Variants in TRAPPC8 observed in about 807,000 individuals in gnomAD.
TRAPPC8 encodes general sporulation gene 1 homolog.
A neutral mutation model predicts 174.3 loss-of-function variants in TRAPPC8; 54 were observed. The ratio of observed to expected loss-of-function variants is 0.31; its 90% CI spans 0.25 to 0.39. The LOEUF is 0.39. Among genes scored for constraint, TRAPPC8 ranks in the 10% least tolerant of loss-of-function variants. The pLI, the probability that TRAPPC8 is intolerant of heterozygous loss-of-function variation, is 1.00. For synonymous variants in TRAPPC8, 630 were observed against 579.9 expected, an observed-to-expected ratio of 1.09 and a Z score of -1.24; for missense variants, 1,531 against 1,699.1, an observed-to-expected ratio of 0.90 and a Z score of 1.74.
At position 31,935,551 on chromosome 18, in the gene TRAPPC8, A is replaced by G. The variant is rs1170699348; in HGVS notation, c.158-4028T>C. Among the ~76,000 whole-genome samples the G allele has an allele frequency of 5.7e-5, 7 of 122,558 alleles. 1 individual carries two copies. The highest frequency in any genetic ancestry group is 9.1e-5 in the Non-Finnish European group (5 of 55,044). The allele number at this position is 122,558 out of a possible 152,430, so 80.4% of individuals were successfully genotyped here. A position where few individuals can be genotyped will look rare whatever the true frequency, so the allele number is the denominator to read the frequency against. On this transcript the variant is annotated intron_variant, in intron 1 of 28. Coordinates refer to ENST00000283351, the MANE Select transcript of TRAPPC8 (RefSeq NM_014939.5). ...CAACAAGAGCGAAACTCCATCTTAAAAAAAAAAAAAAAAAAAAGCAGGCTT... is the reference window on the plus strand; with the variant it reads ...CAACAAGAGCGAAACTCCATCTTAAGAAAAAAAAAAAAAAAAAGCAGGCTT...
At chr18:31,896,224 A>C (rs1464922478) in intron 11 of TRAPPC8, 1 of 152,202 alleles carries the variant, frequency 6.6e-6, no homozygotes, top group Non-Finnish European at 1.5e-5. Context: ...AAGCAAAAGG[A>C]AAAAGGCCGC....
In TRAPPC8 at chr18:31,882,236, A is replaced by T. The variant is rs948828770; in HGVS notation, c.1729-7532T>A. Among the ~76,000 whole-genome samples the T allele has an allele frequency of 2.4e-4, 37 of 152,198 alleles. 1 individual carries two copies. Among genetic ancestry groups the T allele is most frequent in the Admixed American group, 2.4e-3 (36 of 15,284 alleles). ...CATCAATGGTGGACTGTATAAAGAA[A>T]ATGTGGTACATACACACCATGGAAT... On this transcript the variant is annotated intron_variant, in intron 12 of 28. Transcript: ENST00000283351.
intron 4 of TRAPPC8, among the ~76,000 whole-genome samples, chr18:31,914,740 C>T (rs1414925679): frequency 6.6e-6 from 1 of 152,200 alleles, no homozygotes; most frequent in East Asian, 1.9e-4. Flanking sequence ...ATCTGCTCCA[C>T]ACCTTGCACC....
intron 5 of TRAPPC8, among the ~76,000 whole-genome samples, chr18:31,910,474 T>C (rs2036858230): frequency 6.6e-6 from 1 of 152,116 alleles, no homozygotes; most frequent in African/African-American, 2.4e-5. Context: ...TGGAAAAATA[T>C]AAAAGAGGAC....
At chr18:31,898,411 T>G (rs1423305109) in intron 10 of TRAPPC8, among the ~76,000 whole-genome samples, 2 of 152,212 alleles carry the variant, frequency 1.3e-5, no homozygotes, top group East Asian at 3.8e-4. Flanking sequence ...TTCATTATCA[T>G]GTAATTTGGC....
intron 27 of TRAPPC8, among the ~76,000 whole-genome samples, chr18:31,835,784 T>C (rs1038165542): frequency 6.6e-6 from 1 of 152,220 alleles, no homozygotes; most frequent in Non-Finnish European, 1.5e-5. Flanking sequence ...GTGAGGCTAT[T>C]TGGTCAATGA....
chr18:31,901,525 G>C (rs1271175424), intron 9 of TRAPPC8, among the ~76,000 whole-genome samples: 1 of 152,080 alleles, frequency 6.6e-6, no homozygotes, highest in Non-Finnish European at 1.5e-5. Context: ...TGTTTTTCCT[G>C]AAAGAACATG....
chr18:31,861,947 G>A (rs1298169766), intron 19 of TRAPPC8, among the ~76,000 whole-genome samples: 1 of 120,202 alleles, frequency 8.3e-6, no homozygotes, highest in African/African-American at 3.2e-5. Context: ...GGGGGGGGGG[G>A]GCGGTGGGGG....
intron 1 of TRAPPC8, among the ~76,000 whole-genome samples, chr18:31,936,104 A>T (rs1318618366): frequency 6.6e-6 from 1 of 151,854 alleles, no homozygotes; most frequent in Non-Finnish European, 1.5e-5. Context: ...CCTGTGTGCT[A>T]CTCAGGAGGC....
chr18:31,873,352 GTTTTTTAAATGGAGAAAGGAAAAGAAGT>G, intron 14 of TRAPPC8, 50 bp downstream of exon 14: 1 of 1,214,804 alleles, frequency 8.2e-7, no homozygotes, highest in East Asian at 2.5e-5. Flanking sequence ...ACTATACATC[GTTTTTTAAATGGAGAAAGGAAAAGAAGT>G]TTTTTTTAAA....
rs751640345 is a variant in TRAPPC8 at position 31,857,676 on chromosome 18, G to T, written c.3052C>A (p.Pro1018Thr). ...GGTAGAAGAACAGTGTCAGGAAGGG[G>T]AACAGGAATCACCTCTGGTTGACTT... ...TGSQPEVIPV[P>T]LPDTVLLPGA... Residue 1018 changes from proline to threonine, a missense_variant, in exon 20 of 29, where the codon CCC becomes ACC. Transcript: ENST00000283351. The T allele has an allele frequency of 6.2e-7, 1 of 1,614,118 alleles. No homozygotes were observed. Among genetic ancestry groups the T allele is most frequent in the South Asian group, 1.1e-5 (1 of 91,064 alleles).
intron 11 of TRAPPC8, among the ~76,000 whole-genome samples, chr18:31,892,263 A>G (rs931991101): frequency 2.0e-5 from 3 of 152,134 alleles, no homozygotes; most frequent in Non-Finnish European, 4.4e-5. Context: ...CCCCTCCTAT[A>G]TATGTATGTG....
rs75522561 is a variant in TRAPPC8 at position 31,875,533 on chromosome 18, C to T, written c.1729-829G>A. Among the ~76,000 whole-genome samples the T allele has an allele frequency of 8.7e-3, 1,318 of 152,154 alleles. 25 individuals carry two copies. Among genetic ancestry groups the T allele is most frequent in the African/African-American group, 0.03 (1,238 of 41,510 alleles). On this transcript the variant is annotated intron_variant, in intron 12 of 28. Coordinates refer to ENST00000283351, the MANE Select transcript of TRAPPC8 (RefSeq NM_014939.5). ...TAGGACAGCAGCACAGTAAACACTG[C>T]CTGGGCAAGACATGACGGGGTTCTC...
At chr18:31,846,402 C>T (rs2033403800) in intron 26 of TRAPPC8, among the ~76,000 whole-genome samples, 1 of 151,846 alleles carries the variant, frequency 6.6e-6, no homozygotes, top group South Asian at 2.1e-4. Flanking sequence ...GGTGAAACTC[C>T]ATCTCTACAA....
At chr18:31,866,330 T>G (rs1214605147) in intron 18 of TRAPPC8, among the ~76,000 whole-genome samples, 3 of 152,204 alleles carry the variant, frequency 2.0e-5, no homozygotes, top group Admixed American at 1.3e-4. Context: ...TATCGTGTAG[T>G]TTTCCTCTTC....
At chr18:31,912,731 G>A (rs1474533244) in intron 5 of TRAPPC8, among the ~76,000 whole-genome samples, 3 of 152,116 alleles carry the variant, frequency 2.0e-5, no homozygotes, top group Non-Finnish European at 4.4e-5. Context: ...AGAATTGACT[G>A]TAGGCATTCA....
chr18:31,920,714 C>T (rs1437555147), intron 2 of TRAPPC8, among the ~76,000 whole-genome samples: 3 of 151,890 alleles, frequency 2.0e-5, no homozygotes, highest in Non-Finnish European at 4.4e-5. Flanking sequence ...CCGAGGCAGG[C>T]GGATCACCTG....
intron 27 of TRAPPC8, among the ~76,000 whole-genome samples, chr18:31,835,805 T>C (rs966907806): frequency 3.3e-5 from 5 of 152,240 alleles, no homozygotes; most frequent in African/African-American, 1.2e-4. Flanking sequence ...AATATTAACA[T>C]CTTTTGATGC....
chr18:31,867,447 A>G lies in TRAPPC8; in HGVS notation c.2418T>C (p.Ala806=). ...LVTSEPEMIG[A]EVISEFLING... is the part of the protein sequence containing the mutation. The stretch of plus-strand genomic sequence containing the variant: ...TAATTAAGAACTCTGAAATAACTTC[A>G]GCTCCAATCATTTCAGGTTCACTTG... Residue 806 remains alanine (A), a synonymous_variant, in exon 17 of 29, where the codon GCT becomes GCC. Coordinates refer to ENST00000283351, the MANE Select transcript of TRAPPC8 (RefSeq NM_014939.5). The G allele has an allele frequency of 6.2e-7, 1 of 1,608,714 alleles. No individual in the cohort carries two copies. The highest frequency in any genetic ancestry group is 8.5e-7 in the Non-Finnish European group (1 of 1,176,440).
Sources: allele counts gnomAD v4.1 joint callset (sites outside exome capture counted in the v4.1 genomes callset), GRCh38; gene constraint gnomAD v4.1.1; transcripts MANE v1.5; gene names NCBI Gene and HGNC (gene_info 2026-07-23, HGNC 2026-07-21).